The following TEK variants were observed in gnomAD, a reference collection of about 807,000 sequenced individuals.
The protein encoded by TEK is TEK receptor tyrosine kinase.
Under a neutral mutation model 131.8 loss-of-function variants are expected in TEK, and 43 were observed. That is an observed-to-expected ratio of 0.33 (90% CI 0.26 to 0.42). The LOEUF (loss-of-function observed/expected upper bound fraction) is 0.42. Among genes scored for constraint, TEK ranks in the 10% least tolerant of loss-of-function variants. TEK has a pLI of 1.00. For synonymous variants in TEK, 580 were observed against 491.6 expected (o/e 1.18, Z -2.38); for missense variants, 1,162 against 1,384.4 (o/e 0.84, Z 2.55).
chr9:27,151,199 A>T (rs1564061961), intron 1 of TEK, among the ~76,000 whole-genome samples: 2 of 152,206 alleles, frequency 1.3e-5, no homozygotes, highest in Admixed American at 1.3e-4. Flanking sequence ...TCAGAGACTT[A>T]CTACATACAC....
intron 21 of TEK, among the ~76,000 whole-genome samples, chr9:27,220,932 C>G (rs982812626): frequency 6.6e-5 from 10 of 152,208 alleles, no homozygotes; most frequent in African/African-American, 2.2e-4. Flanking sequence ...CAAGTAAGAA[C>G]TATTCACTCC....
At chr9:27,146,058 C>T (rs868698707) in intron 1 of TEK, among the ~76,000 whole-genome samples, 23 of 152,260 alleles carry the variant, frequency 1.5e-4, no homozygotes, top group African/African-American at 4.1e-4. Flanking sequence ...TAGATGTCAT[C>T]GTACTGTTCT....
chr9:27,203,733 C>A (rs1308462287), intron 13 of TEK, among the ~76,000 whole-genome samples: 1 of 152,230 alleles, frequency 6.6e-6, no homozygotes, highest in Non-Finnish European at 1.5e-5. Context: ...GACTTCAAGT[C>A]TGTGCAGAGG....
chr9:27,135,235 A>T (rs1371839797), intron 1 of TEK, among the ~76,000 whole-genome samples: 1 of 149,156 alleles, frequency 6.7e-6, no homozygotes, highest in Non-Finnish European at 1.5e-5. Context: ...TTTTTTTGAG[A>T]CAAAGGATTC....
At chr9:27,111,214 A>C (rs1420712764) in intron 1 of TEK, among the ~76,000 whole-genome samples, 2 of 129,756 alleles carry the variant, frequency 1.5e-5, no homozygotes, top group Admixed American at 1.7e-4. Context: ...ACTGCCTTTA[A>C]AAGGCAGAGG....
chr9:27,176,345 T>G (rs113304041), intron 6 of TEK, among the ~76,000 whole-genome samples: 99 of 152,160 alleles, frequency 6.5e-4, no homozygotes, highest in Non-Finnish European at 1.1e-3. Flanking sequence ...TTCAAAGTCA[T>G]TCAGAACACT....
chr9:27,218,723 ATGAGCGG>A, intron 19 of TEK, 47 bp from the exon 20 acceptor site: 1 of 1,607,316 alleles, frequency 6.2e-7, no homozygotes. Flanking sequence ...GGGCCGGAAA[ATGAGCGG>A]TGACTCTGTT....
chr9:27,190,433 T>C lies in TEK; in HGVS notation c.1328-96T>C, dbSNP rs770636474. ...TGAGCAGAAAACTTTAAGAGGACTT[T>C]GTTGGACATGTAAAACATATCTTCT... On this transcript the variant is annotated intron_variant, in intron 9 of 22. Coordinates refer to ENST00000380036, the MANE Select transcript of TEK (RefSeq NM_000459.5). 5 of 1,481,908 alleles carry C rather than the reference T, an allele frequency of 3.4e-6. 1 individual carries two copies. Among genetic ancestry groups the C allele is most frequent in the Middle Eastern group, 3.5e-4 (2 of 5,702 alleles). 91.8% of individuals were successfully genotyped at this position (1,481,908 alleles called of 1,614,324 possible). A position where few individuals can be genotyped will look rare whatever the true frequency, so the allele number is the denominator to read the frequency against.
At chr9:27,223,698 A>G (rs1826184762) in intron 21 of TEK, among the ~76,000 whole-genome samples, 1 of 152,238 alleles carries the variant, frequency 6.6e-6, no homozygotes, top group Non-Finnish European at 1.5e-5. Context: ...TAACATCACA[A>G]TTAAAAGAAC....
chr9:27,206,470 T>C, intron 14 of TEK, 112 bp from the exon 15 acceptor site: 1 of 1,202,434 alleles, frequency 8.3e-7, no homozygotes, highest in East Asian at 2.5e-5. Context: ...CAGTCTAGAA[T>C]TAAATACAGT....
intron 6 of TEK, 94 bp downstream of exon 6, chr9:27,173,456 G>T: frequency 6.6e-7 from 1 of 1,514,840 alleles, no homozygotes; most frequent in Non-Finnish European, 9.1e-7. Context: ...GATATACCTG[G>T]ACTGCTTAGC....
intron 6 of TEK, among the ~76,000 whole-genome samples, chr9:27,177,862 A>G (rs942497119): frequency 6.6e-6 from 1 of 152,232 alleles, no homozygotes; most frequent in African/African-American, 2.4e-5. Flanking sequence ...TCTGGATATT[A>G]ACCTCTTATC....
At chr9:27,178,934 A>G (rs1824266079) in intron 6 of TEK, among the ~76,000 whole-genome samples, 2 of 152,232 alleles carry the variant, frequency 1.3e-5, no homozygotes, top group South Asian at 4.1e-4. Flanking sequence ...TGATGTGCCT[A>G]TGCATAGTTT....
chr9:27,133,497 C>G (rs1364243627), intron 1 of TEK, among the ~76,000 whole-genome samples: 1 of 152,180 alleles, frequency 6.6e-6, no homozygotes, highest in African/African-American at 2.4e-5. Flanking sequence ...AACATAGCCT[C>G]CTTTGTTATG....
chr9:27,215,997 A>C (rs562822444), intron 18 of TEK, among the ~76,000 whole-genome samples: 1 of 152,276 alleles, frequency 6.6e-6, no homozygotes, highest in African/African-American at 2.4e-5. Context: ...CCCTAGAGGA[A>C]AAGGAAAGCA....
At chr9:27,220,219 G>A in intron 21 of TEK, 74 bp downstream of exon 21, 1 of 1,426,012 alleles carries the variant, frequency 7.0e-7, no homozygotes, top group Non-Finnish European at 9.8e-7. Context: ...GCTGACTCTA[G>A]CAAAGTCAGC....
intron 16 of TEK, among the ~76,000 whole-genome samples, chr9:27,211,171 G>GTA (rs71492740): frequency 2.2e-4 from 19 of 86,718 alleles, no homozygotes; most frequent in South Asian, 3.6e-4. Flanking sequence ...ATATGTATGT[G>GTA]TATATATATA....
At chr9:27,200,134 A>C (rs11791837) in intron 12 of TEK, among the ~76,000 whole-genome samples, 42,071 of 151,890 alleles carry the variant, frequency 0.28, 6,010 homozygotes, top group Admixed American at 0.35. Context: ...AGTTGTGATG[A>C]TTTCTGTATC....
At position 27,179,810 on chromosome 9, in the gene TEK, A is replaced by G. The variant is rs377067822; in HGVS notation, c.902-430A>G. On this transcript the variant is annotated intron_variant, in intron 6 of 22. Coordinates refer to ENST00000380036, the MANE Select transcript of TEK (RefSeq NM_000459.5). ...GTTTTCCTGACTCTGTCTCTGATGC[A>G]TCAGGCCAGTAGACTGCAGGTTTTC... is the stretch of plus-strand genomic sequence containing the variant. 1.8e-4 allele frequency among the ~76,000 whole-genome samples: 27 copies of G among 152,106 alleles called. 1 individual carries two copies. Among genetic ancestry groups the G allele is most frequent in the African/African-American group, 5.1e-4 (21 of 41,404 alleles).
Sources: allele counts gnomAD v4.1 joint callset (sites outside exome capture counted in the v4.1 genomes callset), GRCh38; gene constraint gnomAD v4.1.1; transcripts MANE v1.5; gene names NCBI Gene and HGNC (gene_info 2026-07-23, HGNC 2026-07-21).